The following TMCO5A variants were observed in gnomAD, a reference collection of about 807,000 sequenced individuals.
TMCO5A encodes transmembrane and coiled-coil domains 5A, also known as transmembrane and coiled-coil domain-containing protein 5A.
TMCO5A carries 34 observed loss-of-function variants against 42.3 expected under a neutral mutation model. The ratio of observed to expected loss-of-function variants is 0.80; its 90% confidence interval spans 0.61 to 1.07. TMCO5A has a LOEUF of 1.07. Ranked by LOEUF, TMCO5A falls within the 50% of genes least tolerant of loss-of-function variation. The probability of loss-of-function intolerance (pLI) is 0.00; values close to 1 mark genes in which losing one functional copy is unlikely to be tolerated. For synonymous variants in TMCO5A, 131 were observed against 115.6 expected (o/e 1.13, Z -0.86); for missense variants, 357 against 327.9 (o/e 1.09, Z -0.69).
At chr15:38,000,687 T>A in the TMCO5A span, among the ~76,000 whole-genome samples, 1 of 152,164 alleles carries the variant, frequency 6.6e-6, no homozygotes, top group Admixed American at 6.5e-5. Context: ...TGCTGTACCC[T>A]AAAAGTTTTA....
chr15:37,971,714 C>A (rs1035157218), downstream of TMCO5A, among the ~76,000 whole-genome samples: 17 of 152,202 alleles, frequency 1.1e-4, no homozygotes, highest in Non-Finnish European at 2.2e-4. Context: ...TCATCTCTCT[C>A]AACTTCAAAG....
At chr15:37,986,871 G>A in the TMCO5A span, among the ~76,000 whole-genome samples, 2 of 151,826 alleles carry the variant, frequency 1.3e-5, no homozygotes, top group African/African-American at 2.4e-5. Flanking sequence ...TATGAACATC[G>A]GGGTACAGAT....
chr15:37,987,761 A>T, the TMCO5A span, among the ~76,000 whole-genome samples: 1 of 151,970 alleles, frequency 6.6e-6, no homozygotes, highest in African/African-American at 2.4e-5. Context: ...TGGTTTGATG[A>T]CTGTGGCTTT....
At chr15:38,038,494 C>A in the TMCO5A span, among the ~76,000 whole-genome samples, 7 of 151,894 alleles carry the variant, frequency 4.6e-5, no homozygotes, top group Non-Finnish European at 1.0e-4. Context: ...CAACCTCTGC[C>A]TCCCGGGTTC....
the TMCO5A span, among the ~76,000 whole-genome samples, chr15:37,973,826 G>A: frequency 6.6e-6 from 1 of 152,124 alleles, no homozygotes; most frequent in Non-Finnish European, 1.5e-5. Context: ...GGTGAAAGTG[G>A]GCATCCTTGT....
chr15:38,034,844 C>G, the TMCO5A span, among the ~76,000 whole-genome samples: 2 of 152,298 alleles, frequency 1.3e-5, no homozygotes, highest in South Asian at 4.1e-4. Context: ...TGGCTCTCCT[C>G]TGGGTGTGAC....
In TMCO5A at chr15:37,951,153, G is replaced by A; in HGVS notation, c.786G>A (p.Leu262=). 1 of 1,613,708 alleles carries A rather than the reference G, an allele frequency of 6.2e-7. No homozygotes were observed. The highest frequency in any genetic ancestry group is 8.5e-7 in the Non-Finnish European group (1 of 1,179,850). ...TCGTCAATGTACTGCCCAAGGTACT[G>A]GGCAGGAGCACCTTGTGGAAGCTCA... The part of the protein sequence containing the change: ...DLLVNVLPKV[L]GRSTLWKLRC... The change falls in exon 12 of 12, where the codon CTG becomes CTA. Residue 262 remains leucine, a synonymous_variant. Transcript: ENST00000319669.
At chr15:37,992,994 C>A in the TMCO5A span, among the ~76,000 whole-genome samples, 1 of 152,216 alleles carries the variant, frequency 6.6e-6, no homozygotes, top group East Asian at 1.9e-4. Flanking sequence ...TACCCCTGAA[C>A]CTAAAATAAA....
the TMCO5A span, among the ~76,000 whole-genome samples, chr15:38,001,701 T>C: frequency 7.2e-5 from 11 of 152,036 alleles, 1 homozygote. Flanking sequence ...ACCATGAAGC[T>C]TATAAATAAT....
chr15:38,004,623 C>G, the TMCO5A span: 7 of 152,234 alleles, frequency 4.6e-5, no homozygotes, highest in African/African-American at 1.7e-4. Context: ...TCCGTGGGTG[C>G]CAACTGAGTT....
chr15:38,029,433 T>A, the TMCO5A span, among the ~76,000 whole-genome samples: 1 of 151,706 alleles, frequency 6.6e-6, no homozygotes, highest in African/African-American at 2.4e-5. Context: ...TAGTTCATTA[T>A]CCTGAGAAGC....
At chr15:38,018,126 C>A in the TMCO5A span, among the ~76,000 whole-genome samples, 1 of 152,110 alleles carries the variant, frequency 6.6e-6, no homozygotes, top group African/African-American at 2.4e-5. Context: ...ACTAATACAC[C>A]TGCTTAGGGC....
At chr15:38,017,576 G>C in the TMCO5A span, among the ~76,000 whole-genome samples, 1 of 152,156 alleles carries the variant, frequency 6.6e-6, no homozygotes, top group African/African-American at 2.4e-5. Flanking sequence ...TTAAAGCATT[G>C]TCTTCATCAT....
downstream of TMCO5A, among the ~76,000 whole-genome samples, chr15:37,969,818 T>A (rs948874928): frequency 6.6e-6 from 1 of 152,234 alleles, no homozygotes; most frequent in Non-Finnish European, 1.5e-5. Context: ...TTGCTTATGA[T>A]AATGGCCTCA....
At chr15:37,964,069 G>A (rs1330471710) in intron 11 of TMCO5A, among the ~76,000 whole-genome samples, 3 of 152,122 alleles carry the variant, frequency 2.0e-5, no homozygotes, top group Non-Finnish European at 2.9e-5. Context: ...GGGTGTTAAA[G>A]AGCCTTGTTT....
chr15:37,972,757 G>T, the TMCO5A span, among the ~76,000 whole-genome samples: 1 of 151,932 alleles, frequency 6.6e-6, no homozygotes, highest in African/African-American at 2.4e-5. Context: ...AATTTCTTTT[G>T]CTGTGCAGAA....
At chr15:37,982,772 GTTATA>G in the TMCO5A span, among the ~76,000 whole-genome samples, 401 of 143,790 alleles carry the variant, frequency 2.8e-3, 3 homozygotes, top group Admixed American at 4.7e-3. Flanking sequence ...AATATATTGA[GTTATA>G]TTATATAACA....
At chr15:38,006,727 T>C in the TMCO5A span, among the ~76,000 whole-genome samples, 4 of 152,186 alleles carry the variant, frequency 2.6e-5, no homozygotes, top group African/African-American at 9.7e-5. Context: ...CTACACTATA[T>C]TGACTTATGC....
the TMCO5A span, among the ~76,000 whole-genome samples, chr15:38,032,834 TTC>T: frequency 6.6e-6 from 1 of 152,358 alleles, no homozygotes; most frequent in Admixed American, 6.5e-5. Context: ...TCTTTTTCTT[TTC>T]TCTCTCTGAG....
Sources: allele counts gnomAD v4.1 joint callset (sites outside exome capture counted in the v4.1 genomes callset), GRCh38; gene constraint gnomAD v4.1.1; transcripts MANE v1.5; gene names NCBI Gene and HGNC (gene_info 2026-07-23, HGNC 2026-07-21).